FAF2: variants seen among roughly 807,000 people sequenced by gnomAD.
FAF2 encodes FAS-associated factor 2.
In FAF2, 9 loss-of-function variants were observed where a neutral mutation model predicts 62.3. That is an observed-to-expected ratio of 0.14 (90% CI 0.09 to 0.25). The LOEUF (loss-of-function observed/expected upper bound fraction) is 0.25, where lower values mean the gene tolerates loss of function less well. Among genes scored for constraint, FAF2 ranks in the 10% least tolerant of loss-of-function variants. The probability of loss-of-function intolerance (pLI) is 1.00; values close to 1 mark genes in which losing one functional copy is unlikely to be tolerated. For missense variants in FAF2, 368 were observed against 556.2 expected, an observed-to-expected ratio of 0.66 and a Z score of 3.40; for synonymous variants, 202 against 198.0, an observed-to-expected ratio of 1.02 and a Z score of -0.17.
intron 3 of FAF2, among the ~76,000 whole-genome samples, chr5:176,487,584 C>T (rs2913729): frequency 0.5 from 75,390 of 151,920 alleles, 18,751 homozygotes; most frequent in Non-Finnish European, 0.52. Flanking sequence ...GCTTCCTGGC[C>T]ACAGACACAG....
chr5:176,461,498 ATTT>A (rs879945081), intron 1 of FAF2, among the ~76,000 whole-genome samples: 1 of 142,198 alleles, frequency 7.0e-6, no homozygotes, highest in East Asian at 2.1e-4. Context: ...TTTTTATTTT[ATTT>A]TTTTTTTTTA....
intron 1 of FAF2, among the ~76,000 whole-genome samples, chr5:176,451,765 CATAT>C (rs201499336): frequency 0.086 from 9,969 of 115,924 alleles, 1,024 homozygotes; most frequent in East Asian, 0.28. Context: ...TGTATATATA[CATAT>C]ATATACGTGT....
chr5:176,475,163 GTC>G (rs1386000633), intron 1 of FAF2, among the ~76,000 whole-genome samples: 2 of 152,014 alleles, frequency 1.3e-5, no homozygotes, highest in African/African-American at 2.4e-5. Flanking sequence ...TTGAGATGAG[GTC>G]TCTCTGTTGC....
At chr5:176,470,793 C>T (rs544295407) in intron 1 of FAF2, among the ~76,000 whole-genome samples, 11 of 152,324 alleles carry the variant, frequency 7.2e-5, no homozygotes, top group Admixed American at 7.2e-4. Context: ...TGCTGACTAG[C>T]AGTGAGGTCA....
At chr5:176,493,024 TA>T (rs1446456145) in intron 5 of FAF2, among the ~76,000 whole-genome samples, 1 of 152,066 alleles carries the variant, frequency 6.6e-6, no homozygotes, top group African/African-American at 2.4e-5. Flanking sequence ...GAGGAAAAAT[TA>T]GAGTTCTGTG....
At chr5:176,492,457 A>C in intron 5 of FAF2, 125 bp downstream of exon 5, 1 of 1,061,244 alleles carries the variant, frequency 9.4e-7, no homozygotes, top group South Asian at 1.9e-5. Flanking sequence ...TTCACTGCTT[A>C]TAGGGGTGGG....
At position 176,508,959 on chromosome 5, in the gene FAF2, AT is replaced by A. The variant is rs1048940730; in HGVS notation, c.*2019del. 6.6e-5 allele frequency: 10 copies of A among 150,532 alleles called. No homozygotes were observed. Among genetic ancestry groups the A allele is most frequent in the South Asian group, 2.1e-4 (1 of 4,750 alleles). 9.3% of individuals were successfully genotyped at this position (150,532 alleles called of 1,614,324 possible). A position where few individuals can be genotyped will look rare whatever the true frequency, so the allele number is the denominator to read the frequency against. Reference sequence around the variant, plus strand: ...TCCACACCTCTTTGGGGAAGTTACGATTTTTTTTTTCCATCATAATTCAGTC... The same window carrying A: ...TCCACACCTCTTTGGGGAAGTTACGATTTTTTTTTCCATCATAATTCAGTC... On this transcript the variant is annotated 3_prime_UTR_variant, in exon 11 of 11. Transcript: ENST00000261942.
At chr5:176,450,347 A>G (rs1394296894) in intron 1 of FAF2, among the ~76,000 whole-genome samples, 1 of 152,184 alleles carries the variant, frequency 6.6e-6, no homozygotes. Context: ...TAGACCACCA[A>G]TTTCAGAGTG....
rs777868180 is a variant in FAF2, at chr5:176,499,094, C to A, written c.1011+9C>A. ...AGGAGAGACGGCGGCAGGTAATGGA[C>A]GTGTGGCTTTACTCCCTGTGGTTCC... On this transcript the variant is annotated intron_variant, in intron 9 of 10. Coordinates refer to ENST00000261942, the MANE Select transcript of FAF2 (RefSeq NM_014613.3). The A allele has an allele frequency of 6.4e-7, 1 of 1,563,618 alleles. No individual in the cohort carries two copies. Among genetic ancestry groups the A allele is most frequent in the Non-Finnish European group, 8.7e-7 (1 of 1,153,128 alleles).
At chr5:176,499,950 C>A in intron 9 of FAF2, 53 bp from the exon 10 acceptor site, 1 of 1,595,920 alleles carries the variant, frequency 6.3e-7, no homozygotes, top group South Asian at 1.1e-5. Context: ...GCTACATGGT[C>A]ATTGTATTTA....
chr5:176,481,487 C>T lies in FAF2; in HGVS notation c.132+2231C>T, dbSNP rs905103830. On this transcript the variant is annotated intron_variant, in intron 2 of 10. Coordinates refer to ENST00000261942, the MANE Select transcript of FAF2 (RefSeq NM_014613.3). ...CCTGGCTAACACAATGAAACCCTGT[C>T]TCTACTAAAAATATAAAAAATTAGC... Among the ~76,000 whole-genome samples the T allele has an allele frequency of 2.0e-5, 3 of 152,052 alleles. No homozygotes were observed. The East Asian group carries it at 5.9e-4, about 30-fold the overall frequency.
At chr5:176,489,502 C>T (rs1285890871) in intron 4 of FAF2, among the ~76,000 whole-genome samples, 2 of 152,108 alleles carry the variant, frequency 1.3e-5, no homozygotes, top group Non-Finnish European at 2.9e-5. Context: ...AGTTGGACCT[C>T]CCTAGACACT....
At chr5:176,485,043 A>C (rs1421424296) in intron 2 of FAF2, among the ~76,000 whole-genome samples, 1 of 152,256 alleles carries the variant, frequency 6.6e-6, no homozygotes, top group Non-Finnish European at 1.5e-5. Flanking sequence ...TTCTGCAAAA[A>C]TTGCAGCCAC....
Position 176,475,562 on chromosome 5 carries a change from A to G in FAF2, c.64-3626A>G, listed in dbSNP as rs190955838. Among the ~76,000 whole-genome samples, 359 of 152,250 alleles carry G rather than the reference A, an allele frequency of 2.4e-3. 2 individuals carry two copies. Among genetic ancestry groups the G allele is most frequent in the African/African-American group, 8.4e-3 (348 of 41,568 alleles). On this transcript the variant is annotated intron_variant, in intron 1 of 10. Transcript: ENST00000261942. The stretch of plus-strand genomic sequence containing the variant: ...GAGGCCGAGGCGGGTGGATCACCTG[A>G]GGTGAGGAGTTCGAGACCAGCCTGG...
intron 1 of FAF2, among the ~76,000 whole-genome samples, chr5:176,451,815 CATAT>C (rs750389365): frequency 0.018 from 457 of 25,140 alleles, 63 homozygotes; most frequent in East Asian, 0.16. Flanking sequence ...TATATACACA[CATAT>C]ATATATATAC....
At chr5:176,486,978 C>G (rs1361958773) in intron 3 of FAF2, among the ~76,000 whole-genome samples, 1 of 152,202 alleles carries the variant, frequency 6.6e-6, no homozygotes, top group African/African-American at 2.4e-5. Flanking sequence ...TTCAATTTCT[C>G]ACAGTCTATT....
At chr5:176,472,302 G>A (rs1358430480) in intron 1 of FAF2, among the ~76,000 whole-genome samples, 6 of 151,434 alleles carry the variant, frequency 4.0e-5, no homozygotes, top group Admixed American at 1.3e-4. Flanking sequence ...GCACACCACC[G>A]TGCCCAGCTA....
chr5:176,455,820 G>A (rs1329061646), intron 1 of FAF2, among the ~76,000 whole-genome samples: 1 of 149,092 alleles, frequency 6.7e-6, no homozygotes, highest in Non-Finnish European at 1.5e-5. Context: ...GAAAACGATA[G>A]GCTTTTATCA....
At chr5:176,489,886 T>A (rs1394423029) in intron 4 of FAF2, among the ~76,000 whole-genome samples, 1 of 152,244 alleles carries the variant, frequency 6.6e-6, no homozygotes, top group South Asian at 2.1e-4. Context: ...AGCCCCTAGG[T>A]TGCAAACACT....
Sources: allele counts gnomAD v4.1 joint callset (sites outside exome capture counted in the v4.1 genomes callset), GRCh38; gene constraint gnomAD v4.1.1; transcripts MANE v1.5; gene names NCBI Gene and HGNC (gene_info 2026-07-23, HGNC 2026-07-21).